The following CNBD2 variants were observed in gnomAD, a reference collection of about 807,000 sequenced individuals.
CNBD2 encodes the protein cyclic nucleotide-binding domain-containing protein 2.
CNBD2 carries 64 observed loss-of-function variants against 63.7 expected under a neutral mutation model. The ratio of observed to expected loss-of-function variants is 1.00; its 90% confidence interval spans 0.82 to 1.24. The LOEUF (loss-of-function observed/expected upper bound fraction) is 1.24, where lower values mean the gene tolerates loss of function less well. Among genes scored for constraint, CNBD2 ranks in the 50% most tolerant of loss-of-function variants. The pLI is 0.00. For synonymous variants in CNBD2, 229 were observed against 255.4 expected (o/e 0.90, Z 0.99); for missense variants, 691 against 713.5 (o/e 0.97, Z 0.36).
At chr20:36,010,962 C>A (rs952963696) in intron 9 of CNBD2, among the ~76,000 whole-genome samples, 175 bp from the exon 10 acceptor site, 2 of 152,162 alleles carry the variant, frequency 1.3e-5, no homozygotes, top group Admixed American at 6.5e-5. Context: ...TCGCACCCTC[C>A]AATTCCTGAC....
At chr20:35,980,164 G>T (rs1158380911) in intron 3 of CNBD2, among the ~76,000 whole-genome samples, 1 of 152,186 alleles carries the variant, frequency 6.6e-6, no homozygotes, top group Admixed American at 6.5e-5. Context: ...GCCTGGGAAG[G>T]TCAATGAACA....
chr20:35,964,434 A>G (rs970914905), upstream of CNBD2, among the ~76,000 whole-genome samples: 3 of 151,854 alleles, frequency 2.0e-5, no homozygotes, highest in African/African-American at 7.3e-5. Context: ...TCTGTCACCC[A>G]GGCTGGAATG....
chr20:36,000,797 A>G (rs1366579448), intron 8 of CNBD2, among the ~76,000 whole-genome samples: 1 of 128,194 alleles, frequency 7.8e-6, no homozygotes, highest in Non-Finnish European at 1.6e-5. Flanking sequence ...TGTTTCTCGC[A>G]GAGGGGGATT....
intron 10 of CNBD2, among the ~76,000 whole-genome samples, chr20:36,021,723 C>T (rs2057210800): frequency 6.6e-6 from 1 of 152,196 alleles, no homozygotes; most frequent in South Asian, 2.1e-4. Context: ...ATTGGGAGTT[C>T]AGCAACAAGG....
At chr20:35,961,635 A>G (rs2056309639) in intron 2 of CNBD2, among the ~76,000 whole-genome samples, 1 of 151,208 alleles carries the variant, frequency 6.6e-6, no homozygotes, top group African/African-American at 2.4e-5. Context: ...GTCTTGTGTT[A>G]TTTCTTTTTT....
intron 7 of CNBD2, among the ~76,000 whole-genome samples, chr20:35,994,406 C>T (rs570426511): frequency 3.2e-4 from 29 of 91,838 alleles, no homozygotes; most frequent in African/African-American, 9.6e-4. Context: ...TTTTGTGTTG[C>T]CATGTTGGCC....
chr20:35,984,635 C>T lies in CNBD2; in HGVS notation c.573C>T (p.Asp191=), dbSNP rs371946971. The T allele has an allele frequency of 6.2e-6, 10 of 1,613,946 alleles. No homozygotes were observed. Among genetic ancestry groups the T allele is most frequent in the South Asian group, 1.1e-5 (1 of 91,068 alleles). Residue 191 remains aspartate, a synonymous_variant, in exon 6 of 12, where the codon GAC becomes GAT. Transcript: ENST00000373973. ...CCCTGTCCACCCAACAGGAAATGGA[C>T]GTTCTGCATGCTTCAGTGAGGAGGT... ...LHKGSCFGEM[D]VLHASVRRST... is the part of the protein sequence containing the mutation.
intron 3 of CNBD2, 146 bp from the exon 4 acceptor site, chr20:35,980,313 T>G: frequency 1.5e-6 from 1 of 682,154 alleles, no homozygotes; most frequent in Non-Finnish European, 2.5e-6. Flanking sequence ...TTTATCCCAG[T>G]GCCTGACACA....
chr20:36,003,997 C>A (rs2056950573), intron 8 of CNBD2, among the ~76,000 whole-genome samples: 1 of 152,100 alleles, frequency 6.6e-6, no homozygotes, highest in Admixed American at 6.6e-5. Flanking sequence ...AAGTGTCTGG[C>A]CTCATGGGTG....
intron 10 of CNBD2, 96 bp downstream of exon 10, chr20:36,011,353 C>A: frequency 7.6e-7 from 1 of 1,316,198 alleles, no homozygotes. Context: ...ACACTTCCCT[C>A]CATATTTGAT....
chr20:36,010,095 G>T (rs926068386), intron 9 of CNBD2, among the ~76,000 whole-genome samples: 1 of 152,128 alleles, frequency 6.6e-6, no homozygotes, highest in South Asian at 2.1e-4. Context: ...CTGTGCTTTT[G>T]TTTTTTCTGG....
chr20:36,023,662 A>T lies in CNBD2; in HGVS notation c.1330A>T (p.Ser444Cys). Residue 444 changes from serine to cysteine, a missense_variant, in exon 11 of 12, where the codon AGC becomes TGC. By Grantham distance (112) the Ser-to-Cys change is moderately radical. Coordinates refer to ENST00000373973, the MANE Select transcript of CNBD2 (RefSeq NM_001365709.1). ...CGACACACGACCCTTGATCCTGATG[A>T]GCCTGGGAAATGAGTTGATACGGAT... ...ECDTRPLILM[S>C]LGNELIRIRK... 1.2e-6 allele frequency: 2 copies of T among 1,613,980 alleles called. No individual in the cohort carries two copies. Among genetic ancestry groups the T allele is most frequent in the Non-Finnish European group, 1.7e-6 (2 of 1,179,960 alleles).
At chr20:35,984,800 A>AT (rs767549764) in intron 6 of CNBD2, 22 bp downstream of exon 6, 3 of 1,612,760 alleles carry the variant, frequency 1.9e-6, no homozygotes, top group Non-Finnish European at 2.5e-6. Context: ...TTCATTCAAC[A>AT]TTTTTTTCCC....
chr20:35,990,896 A>T (rs187621667), intron 7 of CNBD2, among the ~76,000 whole-genome samples: 1 of 152,196 alleles, frequency 6.6e-6, no homozygotes, highest in African/African-American at 2.4e-5. Flanking sequence ...GGTTGCAGTG[A>T]GCTGAGATCA....
chr20:35,968,552 C>A, upstream of CNBD2: 1 of 481,302 alleles, frequency 2.1e-6, no homozygotes. Flanking sequence ...CAGAATCTTT[C>A]ATTGTGACCT....
At position 35,972,702 on chromosome 20, in the gene CNBD2, G is replaced by A. The variant is rs1356279893; in HGVS notation, c.125G>A (p.Gly42Glu). Residue 42 changes from glycine to glutamate, a missense_variant, in exon 2 of 12, where the codon GGA (glycine) becomes GAA (glutamate). Physicochemically the swap from Gly to Glu is moderately conservative, Grantham distance 98. Coordinates refer to ENST00000373973, the MANE Select transcript of CNBD2 (RefSeq NM_001365709.1). Reference protein sequence around the residue: ...VCKMFRQGLRGFREYQIIETA... With the variant: ...VCKMFRQGLREFREYQIIETA... ...AAAATGTTCCGCCAAGGCCTCAGGG[G>A]ATTCCGGGAATATCAAATCATTGAG... The A allele has an allele frequency of 1.9e-6, 3 of 1,613,936 alleles. No homozygotes were observed. The highest frequency in any genetic ancestry group is 3.3e-5 in the Admixed American group (2 of 59,996).
At chr20:36,029,667 C>T (rs1468059518) in intron 11 of CNBD2, among the ~76,000 whole-genome samples, 2 of 152,170 alleles carry the variant, frequency 1.3e-5, no homozygotes, top group African/African-American at 4.8e-5. Flanking sequence ...TTTTCTTAAG[C>T]CAATCTCTAT....
rs1238181941 is a variant in CNBD2 at position 36,010,353 on chromosome 20, T to C, written c.1149-784T>C. Among the ~76,000 whole-genome samples, 3 of 150,870 alleles carry C rather than the reference T, an allele frequency of 2.0e-5. 1 individual carries two copies. In the East Asian group the frequency reaches 5.8e-4, roughly 29 times the overall value. ...GAGCACCCTGTGACTTTTGAGACGTTATGGATAATCCTTCTGAAGAATCTA... is the reference window on the plus strand; with the variant it reads ...GAGCACCCTGTGACTTTTGAGACGTCATGGATAATCCTTCTGAAGAATCTA... On this transcript the variant is annotated intron_variant, in intron 9 of 11. Coordinates refer to ENST00000373973, the MANE Select transcript of CNBD2 (RefSeq NM_001365709.1).
At position 35,968,789 on chromosome 20, in the gene CNBD2, C is replaced by T; in HGVS notation, c.27C>T (p.Ala9=). MRRHMVTY[A]WQLLKKELGL... is the part of the protein sequence containing the mutation. ...TGAGGAGACATATGGTAACTTATGC[C>T]TGGCAGCTCCTGAAGAAGGAACTGG... The change falls in exon 1 of 12, where the codon GCC becomes GCT. Residue 9 remains alanine (A), a synonymous_variant. Coordinates refer to ENST00000373973, the MANE Select transcript of CNBD2 (RefSeq NM_001365709.1). The T allele has an allele frequency of 6.2e-7, 1 of 1,608,532 alleles. No individual in the cohort carries two copies. The highest frequency in any genetic ancestry group is 1.1e-5 in the South Asian group (1 of 89,094).
Sources: allele counts gnomAD v4.1 joint callset (sites outside exome capture counted in the v4.1 genomes callset), GRCh38; gene constraint gnomAD v4.1.1; transcripts MANE v1.5; gene names NCBI Gene and HGNC (gene_info 2026-07-23, HGNC 2026-07-21).